AFG2A: variants seen among roughly 807,000 people sequenced by gnomAD.
The protein encoded by AFG2A is ATPase family gene 2 protein homolog A.
At chr4:122,977,273 C>T in the AFG2A span, among the ~76,000 whole-genome samples, 2 of 152,152 alleles carry the variant, frequency 1.3e-5, no homozygotes, top group African/African-American at 4.8e-5. Flanking sequence ...GTGCTATTGA[C>T]CTGGATCCTA....
At chr4:123,173,188 A>T in the AFG2A span, among the ~76,000 whole-genome samples, 1 of 151,710 alleles carries the variant, frequency 6.6e-6, no homozygotes, top group African/African-American at 2.4e-5. Flanking sequence ...CTTTAAAAAT[A>T]AAAAAAAGCC....
chr4:123,307,238 T>A, the AFG2A span, among the ~76,000 whole-genome samples: 1 of 152,076 alleles, frequency 6.6e-6, no homozygotes. Context: ...AACTCCTGGG[T>A]TCAGATGATC....
the AFG2A span, among the ~76,000 whole-genome samples, chr4:123,194,774 A>G: frequency 1.3e-5 from 2 of 152,218 alleles, no homozygotes; most frequent in Non-Finnish European, 2.9e-5. Context: ...TCCTGGTTTC[A>G]TGGCAATGGC....
the AFG2A span, among the ~76,000 whole-genome samples, chr4:123,155,928 CT>C: frequency 6.5e-3 from 991 of 152,232 alleles, 12 homozygotes; most frequent in African/African-American, 0.022. Flanking sequence ...CGTTCTTGCA[CT>C]GCTCTAAAGA....
the AFG2A span, among the ~76,000 whole-genome samples, chr4:123,296,571 T>C: frequency 6.6e-6 from 1 of 152,180 alleles, no homozygotes; most frequent in Non-Finnish European, 1.5e-5. Flanking sequence ...AAAATATTTA[T>C]GGGTTAAATA....
chr4:123,205,998 C>A, the AFG2A span, among the ~76,000 whole-genome samples: 39 of 152,076 alleles, frequency 2.6e-4, no homozygotes, highest in Admixed American at 2.3e-3. Flanking sequence ...TTCCTAAAAG[C>A]TAACTAAATG....
At chr4:123,057,410 A>C in the AFG2A span, 1 of 1,041,582 alleles carries the variant, frequency 9.6e-7, no homozygotes, top group Non-Finnish European at 1.4e-6. Context: ...GGCCTAAAAA[A>C]GTTTTCAGTT....
the AFG2A span, among the ~76,000 whole-genome samples, chr4:123,001,418 C>T: frequency 4.6e-5 from 7 of 151,906 alleles, no homozygotes; most frequent in Admixed American, 1.3e-4. Flanking sequence ...TTGGATCTTT[C>T]CTGCTTTCTC....
At chr4:123,175,590 T>C in the AFG2A span, among the ~76,000 whole-genome samples, 1 of 152,164 alleles carries the variant, frequency 6.6e-6, no homozygotes, top group Admixed American at 6.5e-5. Context: ...TCACAGTCCT[T>C]TGTAAAAGTA....
the AFG2A span, among the ~76,000 whole-genome samples, chr4:123,182,671 A>C: frequency 6.6e-6 from 1 of 152,228 alleles, no homozygotes; most frequent in African/African-American, 2.4e-5. Flanking sequence ...TGTCAGTGAC[A>C]GAAGAATAAA....
the AFG2A span, chr4:123,256,662 C>G: frequency 1.0e-6 from 1 of 978,558 alleles, no homozygotes; most frequent in Non-Finnish European, 1.2e-6. Context: ...GTCATTTTGG[C>G]AAGTTATCTC....
the AFG2A span, among the ~76,000 whole-genome samples, chr4:123,098,186 G>A: frequency 2.0e-5 from 3 of 152,078 alleles, no homozygotes; most frequent in Non-Finnish European, 1.5e-5. Flanking sequence ...AGCCTTTAAT[G>A]TCTGTTGTTC....
At chr4:123,075,805 A>G in the AFG2A span, among the ~76,000 whole-genome samples, 2 of 151,780 alleles carry the variant, frequency 1.3e-5, no homozygotes, top group Admixed American at 1.3e-4. Context: ...TAAAAATACA[A>G]AATTAGCTGG....
At chr4:122,923,207 C>T in the AFG2A span, 1 of 1,614,266 alleles carries the variant, frequency 6.2e-7, no homozygotes, top group Non-Finnish European at 8.5e-7. Context: ...TCCTTGCCCT[C>T]TGCTGCTTCC....
At chr4:123,289,789 G>A in the AFG2A span, among the ~76,000 whole-genome samples, 2 of 69,030 alleles carry the variant, frequency 2.9e-5, no homozygotes, top group South Asian at 6.5e-4. Context: ...GTGCTGCTAA[G>A]CATTTTTTTA....
At chr4:123,090,544 T>A in the AFG2A span, 1 of 1,611,294 alleles carries the variant, frequency 6.2e-7, no homozygotes, top group Non-Finnish European at 8.5e-7. Flanking sequence ...TGAAGATAAG[T>A]AAAGATATTT....
the AFG2A span, among the ~76,000 whole-genome samples, chr4:122,975,502 T>C: frequency 2.0e-5 from 3 of 152,128 alleles, no homozygotes; most frequent in African/African-American, 7.2e-5. Flanking sequence ...ACAAATTTTG[T>C]GAGTGGCTGC....
At chr4:122,931,408 G>A in the AFG2A span, among the ~76,000 whole-genome samples, 3 of 151,844 alleles carry the variant, frequency 2.0e-5, no homozygotes, top group South Asian at 2.1e-4. Context: ...CTTGAACACC[G>A]TTAGCAAATA....
chr4:123,049,718 T>G, the AFG2A span, among the ~76,000 whole-genome samples: 1 of 151,990 alleles, frequency 6.6e-6, no homozygotes, highest in South Asian at 2.1e-4. Flanking sequence ...TAGGTGTTCT[T>G]TTTTTTAGGT....
Sources: allele counts gnomAD v4.1 joint callset (sites outside exome capture counted in the v4.1 genomes callset), GRCh38; gene constraint gnomAD v4.1.1; transcripts MANE v1.5; gene names NCBI Gene and HGNC (gene_info 2026-07-23, HGNC 2026-07-21).